ESR1: variants seen among roughly 807,000 people sequenced by gnomAD.
ESR1 encodes estrogen receptor.
Under a neutral mutation model 52.7 loss-of-function variants are expected in ESR1, and 12 were observed. That is an observed-to-expected ratio of 0.23 (90% CI 0.15 to 0.37). The LOEUF (loss-of-function observed/expected upper bound fraction) is 0.37, where lower values mean the gene tolerates loss of function less well. Among genes scored for constraint, ESR1 ranks in the 10% least tolerant of loss-of-function variants. The pLI, the probability that ESR1 is intolerant of heterozygous loss-of-function variation, is 1.00. For missense variants in ESR1, 584 were observed against 779.7 expected (o/e 0.75, Z 2.99); for synonymous variants, 305 against 316.8 (o/e 0.96, Z 0.39).
chr6:151,774,095 T>C (rs755815707), intron 2 of ESR1, among the ~76,000 whole-genome samples: 31 of 152,194 alleles, frequency 2.0e-4, no homozygotes, highest in Non-Finnish European at 3.5e-4. Flanking sequence ...ACATTGTCAT[T>C]AGGGAGTTAG....
chr6:152,088,508 T>C (rs2049923206), intron 6 of ESR1, among the ~76,000 whole-genome samples: 1 of 152,196 alleles, frequency 6.6e-6, no homozygotes, highest in Non-Finnish European at 1.5e-5. Context: ...AAGAGGTGAT[T>C]GGTTCAAGAA....
At chr6:151,755,896 G>C (rs373099925) in intron 2 of ESR1, among the ~76,000 whole-genome samples, 2 of 152,210 alleles carry the variant, frequency 1.3e-5, no homozygotes, top group East Asian at 3.9e-4. Context: ...CTCCCGAAGT[G>C]CTGGGATTAC....
Position 152,094,229 on chromosome 6 carries a change from G to A in ESR1, c.1370-156G>A, listed in dbSNP as rs1026650631. ...GCAAATGCATTAGGAATTTTACACT[G>A]TAACCCGGTTTTAAATGGGTCCAGA... On this transcript the variant is annotated intron_variant, in intron 6 of 7. Coordinates refer to ENST00000206249, the MANE Select transcript of ESR1 (RefSeq NM_000125.4). This position sits in a 1 kb window ranked among gnomAD's most constrained non-coding sequence, Gnocchi z 4.6. Among the ~76,000 whole-genome samples, 3 of 152,126 alleles carry A rather than the reference G, an allele frequency of 2.0e-5. No homozygotes were observed. The highest frequency in any genetic ancestry group is 4.4e-5 in the Non-Finnish European group (3 of 68,024).
At chr6:152,113,921 G>T (rs2051177349) in intron 6 of ESR1, among the ~76,000 whole-genome samples, 1 of 152,196 alleles carries the variant, frequency 6.6e-6, no homozygotes, top group Non-Finnish European at 1.5e-5. Context: ...GCTGAGCTGG[G>T]GACTGAGCCA....
chr6:152,009,342 T>C (rs1266099589), intron 4 of ESR1, among the ~76,000 whole-genome samples: 3 of 152,094 alleles, frequency 2.0e-5, no homozygotes, highest in African/African-American at 2.4e-5. Flanking sequence ...ACTTTAAAAA[T>C]GCAAAATTTG....
chr6:151,999,672 T>C (rs982957205), intron 4 of ESR1, among the ~76,000 whole-genome samples: 12 of 152,126 alleles, frequency 7.9e-5, no homozygotes, highest in Non-Finnish European at 1.3e-4. Flanking sequence ...TCAAAATGTT[T>C]CCTACAGTCC....
At chr6:151,821,308 A>C (rs1196058635) in intron 1 of ESR1, among the ~76,000 whole-genome samples, 5 of 152,150 alleles carry the variant, frequency 3.3e-5, no homozygotes, top group South Asian at 2.1e-4. Context: ...CATTATAATG[A>C]TGGCTAAAGT....
intron 5 of ESR1, among the ~76,000 whole-genome samples, chr6:152,022,923 GCCAAGTTCTCACCATTGCA>G (rs1387244345): frequency 6.6e-6 from 1 of 151,386 alleles, no homozygotes; most frequent in Non-Finnish European, 1.5e-5. Context: ...GTTGCAGTGA[GCCAAGTTCTCACCATTGCA>G]CTCCAGCCTG....
chr6:151,742,497 C>G (rs865927303), intron 2 of ESR1, among the ~76,000 whole-genome samples: 1 of 152,170 alleles, frequency 6.6e-6, no homozygotes, highest in African/African-American at 2.4e-5. Flanking sequence ...ACAAACACAG[C>G]AGAGCAGTTA....
At chr6:151,694,541 A>G (rs1441669742) in intron 1 of ESR1, among the ~76,000 whole-genome samples, 1 of 152,232 alleles carries the variant, frequency 6.6e-6, no homozygotes, top group Non-Finnish European at 1.5e-5. Context: ...TAATCCCAGC[A>G]CTTTGGGGGG....
chr6:151,844,783 C>G (rs1242661253), intron 2 of ESR1, among the ~76,000 whole-genome samples: 4 of 151,328 alleles, frequency 2.6e-5, no homozygotes, highest in Non-Finnish European at 5.9e-5. Context: ...TACTCTATAC[C>G]TGATTAGATG....
chr6:151,920,301 CTTT>C (rs11298172), intron 3 of ESR1, among the ~76,000 whole-genome samples: 2 of 141,954 alleles, frequency 1.4e-5, no homozygotes, highest in Admixed American at 7.0e-5. Context: ...CCCTTGACTG[CTTT>C]TTTTTTTTTT....
chr6:151,756,357 C>G (rs1784285145), intron 2 of ESR1, among the ~76,000 whole-genome samples: 1 of 152,162 alleles, frequency 6.6e-6, no homozygotes, highest in African/African-American at 2.4e-5. Context: ...AAGCAATTCT[C>G]CTGCCTCGGC....
chr6:151,703,043 C>T (rs56003134), intron 2 of ESR1, among the ~76,000 whole-genome samples: 3,116 of 152,200 alleles, frequency 0.02, 38 homozygotes, highest in East Asian at 0.032. Context: ...GGTGTAGGAC[C>T]TAGGTCTGTC....
intron 2 of ESR1, among the ~76,000 whole-genome samples, chr6:151,726,078 G>C (rs1207374815): frequency 6.6e-6 from 1 of 152,094 alleles, no homozygotes; most frequent in Non-Finnish European, 1.5e-5. Context: ...GTTGTATGGT[G>C]GGGGGTACCT....
intron 3 of ESR1, among the ~76,000 whole-genome samples, chr6:151,928,261 C>T (rs192289953): frequency 4.6e-5 from 7 of 152,234 alleles, no homozygotes; most frequent in African/African-American, 1.4e-4. Context: ...CAAACATTAT[C>T]GCTTAGCCTA....
At chr6:151,849,008 G>C (rs1021843688) in intron 2 of ESR1, among the ~76,000 whole-genome samples, 2 of 151,880 alleles carry the variant, frequency 1.3e-5, no homozygotes, top group Non-Finnish European at 1.5e-5. Context: ...CAGGATCTCA[G>C]CACATGTGGT....
intron 2 of ESR1, among the ~76,000 whole-genome samples, chr6:151,796,397 C>T (rs566750636): frequency 3.4e-4 from 51 of 152,210 alleles, no homozygotes; most frequent in Middle Eastern, 3.4e-3. Context: ...AACTGGCGAC[C>T]TCAGCTGTCT....
intron 5 of ESR1, among the ~76,000 whole-genome samples, chr6:152,059,123 A>C (rs2047341870): frequency 6.6e-6 from 1 of 152,174 alleles, no homozygotes; most frequent in African/African-American, 2.4e-5. Flanking sequence ...AACATTGTGA[A>C]TATACTGAAA....
Sources: gnomAD v4.1 joint callset for allele counts (sites outside exome capture counted in the v4.1 genomes callset) on GRCh38, gnomAD v4.1.1 for gene constraint, Gnocchi (gnomAD v3.1) non-coding constraint, MANE v1.5 for transcripts, NCBI Gene and HGNC (gene_info 2026-07-23, HGNC 2026-07-21) for gene names.